STAC: variants seen among roughly 807,000 people sequenced by gnomAD.
The protein encoded by STAC is SH3 and cysteine rich domain, also known as SH3 and cysteine-rich domain-containing protein.
STAC carries 43 observed loss-of-function variants against 48.8 expected under a neutral mutation model. The observed-to-expected ratio is 0.88, with a 90% CI of 0.69 to 1.14. STAC has a LOEUF of 1.14. STAC is among the 50% of genes most tolerant of loss of function. The probability of loss-of-function intolerance (pLI) is 0.00; values close to 1 mark genes in which losing one functional copy is unlikely to be tolerated. For missense variants in STAC, 497 were observed against 504.0 expected (o/e 0.99, Z 0.13); for synonymous variants, 193 against 179.5 (o/e 1.07, Z -0.60).
intron 1 of STAC, among the ~76,000 whole-genome samples, chr3:36,414,953 A>G (rs139034817): frequency 0.023 from 3,531 of 152,284 alleles, 61 homozygotes; most frequent in East Asian, 0.026. Context: ...CTGTTTGCCT[A>G]GGTATCAGCA....
intron 1 of STAC, among the ~76,000 whole-genome samples, chr3:36,442,722 C>T (rs574925790): frequency 4.0e-4 from 58 of 146,592 alleles, no homozygotes; most frequent in Non-Finnish European, 7.2e-4. Context: ...AAGGATAATA[C>T]AATATGTCCT....
intron 8 of STAC, among the ~76,000 whole-genome samples, chr3:36,515,615 G>A (rs1269467291): frequency 1.3e-5 from 2 of 152,200 alleles, no homozygotes; most frequent in Non-Finnish European, 2.9e-5. Context: ...GGAACAGTCA[G>A]TTACCCATTT....
intron 1 of STAC, among the ~76,000 whole-genome samples, chr3:36,384,212 A>G (rs1699569926): frequency 6.6e-6 from 1 of 152,202 alleles, no homozygotes; most frequent in Non-Finnish European, 1.5e-5. Flanking sequence ...CAACATAGAA[A>G]GCTTGCTAGT....
At chr3:36,449,289 G>A (rs569727766) in intron 2 of STAC, among the ~76,000 whole-genome samples, 1 of 152,318 alleles carries the variant, frequency 6.6e-6, no homozygotes, top group East Asian at 1.9e-4. Flanking sequence ...GTGGAGAACA[G>A]AGGCAGTGGG....
At chr3:36,381,106 G>A (rs1699501701) in intron 1 of STAC, among the ~76,000 whole-genome samples, 1 of 152,104 alleles carries the variant, frequency 6.6e-6, no homozygotes, top group African/African-American at 2.4e-5. Flanking sequence ...GAGGGATGGA[G>A]ACAGCCGAGG....
At position 36,486,125 on chromosome 3, in the gene STAC, C is replaced by G. The variant is rs1697804816; in HGVS notation, c.572-9C>G. The G allele has an allele frequency of 6.2e-7, 1 of 1,608,476 alleles. No homozygotes were observed. The highest frequency in any genetic ancestry group is 1.3e-5 in the African/African-American group (1 of 74,788). On this transcript the variant is annotated splice_polypyrimidine_tract_variant and intron_variant, in intron 4 of 10. Coordinates refer to ENST00000273183, the MANE Select transcript of STAC (RefSeq NM_003149.3). ...AGCTTCCTCAGATGAACTTTCTCTT[C>G]TGTTGCAGCCTGTGGCAATAAGGTG...
At chr3:36,441,095 A>G (rs913563951) in intron 1 of STAC, among the ~76,000 whole-genome samples, 2 of 152,168 alleles carry the variant, frequency 1.3e-5, no homozygotes, top group East Asian at 1.9e-4. Context: ...TTGTGTTGGG[A>G]ACATTCAAAA....
chr3:36,535,286 C>T (rs761164245), intron 10 of STAC, among the ~76,000 whole-genome samples: 5 of 152,010 alleles, frequency 3.3e-5, no homozygotes, highest in Admixed American at 6.6e-5. Flanking sequence ...CCGTTGTTGG[C>T]GTATAGTAAT....
chr3:36,546,052 G>A (rs7645444), intron 10 of STAC, 139 bp from the exon 11 acceptor site: 76,603 of 654,492 alleles, frequency 0.12, 5,253 homozygotes, highest in Non-Finnish European at 0.15. Flanking sequence ...CACTGTGCTG[G>A]TTTCCCACCC....
At chr3:36,514,883 A>G (rs1163657254) in intron 8 of STAC, among the ~76,000 whole-genome samples, 1 of 151,836 alleles carries the variant, frequency 6.6e-6, no homozygotes, top group Non-Finnish European at 1.5e-5. Context: ...AAAAATAACA[A>G]AAAAATTAGC....
intron 2 of STAC, among the ~76,000 whole-genome samples, chr3:36,475,087 A>ATT (rs11383415): frequency 6.6e-6 from 1 of 151,190 alleles, no homozygotes; most frequent in Non-Finnish European, 1.5e-5. Flanking sequence ...TCCTCAATTC[A>ATT]TTTTTTTTCT....
intron 4 of STAC, 107 bp from the exon 5 acceptor site, chr3:36,486,027 T>C (rs908526091): frequency 2.5e-6 from 2 of 803,498 alleles, no homozygotes; most frequent in African/African-American, 1.7e-5. Flanking sequence ...TAAGTTCCTC[T>C]GCACAGAGCC....
At chr3:36,476,443 C>A (rs9881075) in intron 2 of STAC, among the ~76,000 whole-genome samples, 110,434 of 151,992 alleles carry the variant, frequency 0.73, 40,534 homozygotes, top group Non-Finnish European at 0.75. Context: ...CAGCATGAGC[C>A]GCCCTCAAGA....
At chr3:36,496,070 T>C (rs993393374) in intron 6 of STAC, among the ~76,000 whole-genome samples, 1 of 152,198 alleles carries the variant, frequency 6.6e-6, no homozygotes, top group Non-Finnish European at 1.5e-5. Flanking sequence ...CACAAAGACA[T>C]CAAGTTGACA....
chr3:36,409,362 G>T (rs952046795), intron 1 of STAC: 3 of 152,184 alleles, frequency 2.0e-5, no homozygotes, highest in Admixed American at 2.0e-4. Flanking sequence ...TAACAAGGTT[G>T]TAAGGAGGTA....
chr3:36,532,980 C>T (rs894711830), intron 10 of STAC, among the ~76,000 whole-genome samples: 1 of 152,140 alleles, frequency 6.6e-6, no homozygotes, highest in African/African-American at 2.4e-5. Flanking sequence ...AAAACAAACA[C>T]TCATAGAGGT....
At chr3:36,427,579 G>T (rs1347792455) in intron 1 of STAC, among the ~76,000 whole-genome samples, 1 of 152,136 alleles carries the variant, frequency 6.6e-6, no homozygotes, top group African/African-American at 2.4e-5. Context: ...CTGGGCTTTA[G>T]AGTCAATCAC....
At chr3:36,404,859 A>G (rs1700060893) in intron 1 of STAC, among the ~76,000 whole-genome samples, 2 of 152,060 alleles carry the variant, frequency 1.3e-5, no homozygotes, top group Non-Finnish European at 2.9e-5. Flanking sequence ...TGTGTATAGA[A>G]TACAAAGATT....
intron 4 of STAC, 157 bp from the exon 5 acceptor site, chr3:36,485,977 G>A (rs1356521277): frequency 1.6e-6 from 1 of 616,616 alleles, no homozygotes; most frequent in African/African-American, 1.8e-5. Flanking sequence ...GTGCATCTGT[G>A]AGGAACACTT....
Sources: allele counts gnomAD v4.1 joint callset (sites outside exome capture counted in the v4.1 genomes callset), GRCh38; gene constraint gnomAD v4.1.1; transcripts MANE v1.5; gene names NCBI Gene and HGNC (gene_info 2026-07-23, HGNC 2026-07-21).